NOX4: variants seen among roughly 807,000 people sequenced by gnomAD.
The protein encoded by NOX4 is NADPH oxidase 4, also known as kidney oxidase-1.
In NOX4, 69 loss-of-function variants were observed where a neutral mutation model predicts 87.6. The ratio of observed to expected loss-of-function variants is 0.79; its 90% CI spans 0.65 to 0.96. The LOEUF is 0.96. NOX4 is among the 40% of genes least tolerant of loss of function. The pLI is 0.00. For synonymous variants in NOX4, 275 were observed against 238.2 expected (o/e 1.15, Z -1.42); for missense variants, 680 against 681.5 (o/e 1.00, Z 0.02).
chr11:89,432,226 G>A (rs951232086), intron 7 of NOX4, among the ~76,000 whole-genome samples: 1 of 151,994 alleles, frequency 6.6e-6, no homozygotes, highest in Non-Finnish European at 1.5e-5. Context: ...GGGAGGGACA[G>A]CATTAGGAGA....
In NOX4 at chr11:89,365,392, A is replaced by G. The variant is rs113017991; in HGVS notation, c.1135+8040T>C. 3.8e-3 allele frequency among the ~76,000 whole-genome samples: 571 copies of G among 152,136 alleles called. 4 individuals carry two copies. The highest frequency in any genetic ancestry group is 0.013 in the African/African-American group (540 of 41,532). ...CAATGCCTAGAACTGGATTTCTTATAAAATATAAATTGGCGTTTATTGCCA... is the reference window on the plus strand; with the variant it reads ...CAATGCCTAGAACTGGATTTCTTATGAAATATAAATTGGCGTTTATTGCCA... On this transcript the variant is annotated intron_variant, in intron 12 of 17. Coordinates refer to ENST00000263317, the MANE Select transcript of NOX4 (RefSeq NM_016931.5).
chr11:89,431,989 G>C (rs564770153), intron 7 of NOX4, among the ~76,000 whole-genome samples: 2 of 152,168 alleles, frequency 1.3e-5, no homozygotes, highest in East Asian at 1.9e-4. Context: ...AAGAATATGT[G>C]GCACATATAC....
At chr11:89,423,537 G>A (rs369004863) in intron 7 of NOX4, among the ~76,000 whole-genome samples, 189 of 152,196 alleles carry the variant, frequency 1.2e-3, no homozygotes, top group South Asian at 9.1e-3. Context: ...TTGGTTCAAT[G>A]TGTTAGTCAT....
At position 89,345,336 on chromosome 11, in the gene NOX4, A is replaced by C. The variant is rs532435581; in HGVS notation, c.1218-3143T>G. 2.0e-5 allele frequency among the ~76,000 whole-genome samples: 3 copies of C among 152,312 alleles called. No homozygotes were observed. In the East Asian group the frequency reaches 5.8e-4, roughly 29 times the overall value. ...GAGGGTCCCCAACTTAGGATGGTTC[A>C]ATTTAAATGTTTTTGACTTTATGAT... On this transcript the variant is annotated intron_variant, in intron 13 of 17. Transcript: ENST00000263317.
intron 2 of NOX4, among the ~76,000 whole-genome samples, chr11:89,479,832 T>C (rs1204223278): frequency 6.6e-6 from 1 of 152,170 alleles, no homozygotes. Context: ...TCGGGTTTTA[T>C]TATATCACAA....
Position 89,329,113 on chromosome 11 carries a change from G to A in NOX4, c.1617-2237C>T, listed in dbSNP as rs145760598. On this transcript the variant is annotated intron_variant, in intron 17 of 17. Coordinates refer to ENST00000263317, the MANE Select transcript of NOX4 (RefSeq NM_016931.5). ...GCTCAGAATGATAGAGATGACAGACGTGGTCATTGAAGCAGTGATGATACA... is the reference window on the plus strand; with the variant it reads ...GCTCAGAATGATAGAGATGACAGACATGGTCATTGAAGCAGTGATGATACA... Among the ~76,000 whole-genome samples, 1,008 of 151,934 alleles carry A rather than the reference G, an allele frequency of 6.6e-3. 7 individuals carry two copies. The highest frequency in any genetic ancestry group is 0.023 in the African/African-American group (969 of 41,448).
At chr11:89,403,327 C>G (rs1941982953) in intron 8 of NOX4, among the ~76,000 whole-genome samples, 1 of 152,062 alleles carries the variant, frequency 6.6e-6, no homozygotes, top group Non-Finnish European at 1.5e-5. Flanking sequence ...AACAAGGTCA[C>G]TGCTGCATAA....
intron 7 of NOX4, among the ~76,000 whole-genome samples, chr11:89,427,747 C>T (rs562379457): frequency 3.9e-5 from 6 of 152,204 alleles, no homozygotes; most frequent in African/African-American, 7.2e-5. Flanking sequence ...GTCTGATTGG[C>T]GTACCTGAAA....
intron 7 of NOX4, among the ~76,000 whole-genome samples, chr11:89,427,418 CT>C: frequency 6.6e-6 from 1 of 152,170 alleles, no homozygotes; most frequent in East Asian, 1.9e-4. Flanking sequence ...GATGATCAAA[CT>C]TCTCTGAGCT....
intron 2 of NOX4, among the ~76,000 whole-genome samples, chr11:89,477,968 A>T (rs1270316827): frequency 6.6e-6 from 1 of 152,212 alleles, no homozygotes; most frequent in Admixed American, 6.5e-5. Context: ...ATTTTCTCTT[A>T]ACTGTTGGAA....
chr11:89,589,100 C>T, the NOX4 span, among the ~76,000 whole-genome samples: 1 of 152,180 alleles, frequency 6.6e-6, no homozygotes, highest in Non-Finnish European at 1.5e-5. Flanking sequence ...GTTCATCTAC[C>T]TTGCTCCCAA....
At chr11:89,357,055 G>A (rs1254649278) in intron 12 of NOX4, among the ~76,000 whole-genome samples, 7 of 152,106 alleles carry the variant, frequency 4.6e-5, no homozygotes, top group Non-Finnish European at 7.3e-5. Flanking sequence ...ATATACACTT[G>A]ATGACAATTG....
intron 6 of NOX4, among the ~76,000 whole-genome samples, chr11:89,436,749 T>C (rs944053292): frequency 7.2e-5 from 11 of 152,212 alleles, no homozygotes; most frequent in African/African-American, 1.9e-4. Context: ...AAGTTAGATA[T>C]TATCCATTTT....
intron 13 of NOX4, among the ~76,000 whole-genome samples, chr11:89,350,155 G>C (rs1326945611): frequency 6.6e-6 from 1 of 152,172 alleles, no homozygotes; most frequent in Non-Finnish European, 1.5e-5. Context: ...TGATGAGAAT[G>C]GATGCCCTGG....
At chr11:89,506,490 A>T in the NOX4 span, among the ~76,000 whole-genome samples, 1 of 151,752 alleles carries the variant, frequency 6.6e-6, no homozygotes, top group Non-Finnish European at 1.5e-5. Flanking sequence ...ACCTAGAAAT[A>T]AATATAGGAG....
chr11:89,427,347 C>G (rs776727749), intron 7 of NOX4, among the ~76,000 whole-genome samples: 1 of 152,186 alleles, frequency 6.6e-6, no homozygotes, highest in Non-Finnish European at 1.5e-5. Context: ...CAGCTCCTCA[C>G]TAGCAATGGA....
At chr11:89,384,783 G>A (rs1253150410) in intron 11 of NOX4, among the ~76,000 whole-genome samples, 5 of 152,058 alleles carry the variant, frequency 3.3e-5, no homozygotes, top group South Asian at 4.2e-4. Flanking sequence ...AGCTGGGACC[G>A]CACCCTGTAG....
chr11:89,351,547 C>A (rs181231004), intron 13 of NOX4, among the ~76,000 whole-genome samples: 1 of 152,282 alleles, frequency 6.6e-6, no homozygotes. Context: ...GTCTTCAAAG[C>A]TTCAAAGGAT....
chr11:89,353,747 T>C (rs1366641578), intron 13 of NOX4, among the ~76,000 whole-genome samples: 1 of 152,198 alleles, frequency 6.6e-6, no homozygotes, highest in Middle Eastern at 3.4e-3. Flanking sequence ...ACTGTAAGCC[T>C]AAGAGGCAGA....
Sources: allele counts gnomAD v4.1 joint callset (sites outside exome capture counted in the v4.1 genomes callset), GRCh38; gene constraint gnomAD v4.1.1; transcripts MANE v1.5; gene names NCBI Gene and HGNC (gene_info 2026-07-23, HGNC 2026-07-21).